Variants in MYO16 observed in about 807,000 individuals in gnomAD.
MYO16 encodes the protein unconventional myosin-XVI.
MYO16 carries 94 observed loss-of-function variants against 205.3 expected under a neutral mutation model. The ratio of observed to expected loss-of-function variants is 0.46; its 90% confidence interval spans 0.39 to 0.54. MYO16 has a LOEUF of 0.54. Ranked by LOEUF, MYO16 falls within the 20% of genes least tolerant of loss-of-function variation. The pLI, the probability that MYO16 is intolerant of heterozygous loss-of-function variation, is 0.00. For missense variants in MYO16, 2,315 were observed against 2,387.5 expected (o/e 0.97, Z 0.63); for synonymous variants, 988 against 954.0 (o/e 1.04, Z -0.66).
intron 4 of MYO16, among the ~76,000 whole-genome samples, chr13:108,760,658 C>A (rs986703838): frequency 3.9e-5 from 6 of 152,124 alleles, no homozygotes; most frequent in African/African-American, 1.2e-4. Flanking sequence ...ACTTTCAATG[C>A]CATATGTTCT....
At chr13:109,161,738 TA>T (rs892744954) in intron 32 of MYO16, among the ~76,000 whole-genome samples, 1 of 152,174 alleles carries the variant, frequency 6.6e-6, no homozygotes, top group African/African-American at 2.4e-5. Flanking sequence ...AATTAAGATT[TA>T]AAAAACTAAA....
intron 3 of MYO16, among the ~76,000 whole-genome samples, chr13:108,714,312 C>T (rs1214651205): frequency 3.9e-5 from 6 of 152,210 alleles, no homozygotes. Flanking sequence ...GCCTTGGCCT[C>T]CCGAAGTGCT....
At chr13:108,531,930 G>A in the MYO16 span, among the ~76,000 whole-genome samples, 2 of 152,134 alleles carry the variant, frequency 1.3e-5, no homozygotes, top group African/African-American at 2.4e-5. Context: ...CAGAAGGCCC[G>A]GCCTGGTGGC....
chr13:108,602,586 A>T (rs1238422523), intron 1 of MYO16, among the ~76,000 whole-genome samples: 4 of 152,160 alleles, frequency 2.6e-5, no homozygotes, highest in Non-Finnish European at 4.4e-5. Flanking sequence ...GAAAAAAATC[A>T]CATGGTATGT....
At chr13:109,121,975 G>A (rs917304445) in intron 29 of MYO16, among the ~76,000 whole-genome samples, 2 of 152,176 alleles carry the variant, frequency 1.3e-5, no homozygotes, top group Non-Finnish European at 2.9e-5. Context: ...GGGAGAGGGC[G>A]GGCTACAGGG....
At chr13:108,972,241 CTCTCTCTCTATATA>C (rs1228366641) in intron 20 of MYO16, among the ~76,000 whole-genome samples, 7 of 13,984 alleles carry the variant, frequency 5.0e-4, no homozygotes, top group Non-Finnish European at 1.1e-3. Context: ...CTCTCTCTCT[CTCTCTCTCTATATA>C]TATATATATA....
In MYO16 at chr13:109,091,319, A is replaced by T. The variant is rs573554143; in HGVS notation, c.3336-9466A>T. On this transcript the variant is annotated intron_variant, in intron 27 of 34. Transcript: ENST00000457511. Reference sequence around the variant, plus strand: ...AAAATGGAAATATACAAAAATAAATATGAATAGAATGTAGACATTGTGTGT... The same window carrying T: ...AAAATGGAAATATACAAAAATAAATTTGAATAGAATGTAGACATTGTGTGT... 2.0e-5 allele frequency among the ~76,000 whole-genome samples: 3 copies of T among 152,322 alleles called. No individual in the cohort carries two copies. The South Asian group carries it at 6.2e-4, about 32-fold the overall frequency.
In MYO16 at chr13:109,005,348, G is replaced by GAGAGACA. The variant is rs548738305; in HGVS notation, c.2443-3545_2443-3539dup. Among the ~76,000 whole-genome samples the GAGAGACA allele has an allele frequency of 1.7e-3, 252 of 152,278 alleles. 9 individuals are homozygous for GAGAGACA. The South Asian group carries it at 0.05, about 30-fold the overall frequency. On this transcript the variant is annotated intron_variant, in intron 21 of 34. Transcript: ENST00000457511. Reference sequence around the variant, plus strand: ...GAAACCATCTTTTACCATGAAGGCAGAGAGACAAGAAAACCCATTGGGAAG... The same window carrying GAGAGACA: ...GAAACCATCTTTTACCATGAAGGCAGAGAGACAAGAGACAAGAAAACCCATTGGGAAG...
chr13:109,144,587 A>C (rs1175475113), intron 32 of MYO16, among the ~76,000 whole-genome samples: 1 of 152,152 alleles, frequency 6.6e-6, no homozygotes. Flanking sequence ...TAAATCTTTT[A>C]CTTTACCTTC....
At chr13:108,926,293 T>C (rs932109728) in intron 16 of MYO16, among the ~76,000 whole-genome samples, 2 of 152,160 alleles carry the variant, frequency 1.3e-5, no homozygotes, top group African/African-American at 2.4e-5. Flanking sequence ...TCTTTCTATC[T>C]CCGATTCAAA....
At chr13:109,004,924 C>T (rs368590840) in intron 21 of MYO16, among the ~76,000 whole-genome samples, 1 of 152,112 alleles carries the variant, frequency 6.6e-6, no homozygotes, top group Non-Finnish European at 1.5e-5. Flanking sequence ...TGTTCTCATC[C>T]GAAGCAACTG....
chr13:109,099,244 A>C (rs1888876464), intron 27 of MYO16, among the ~76,000 whole-genome samples: 1 of 152,208 alleles, frequency 6.6e-6, no homozygotes, highest in Admixed American at 6.5e-5. Context: ...CCAAATAAGA[A>C]AATCGCTCAA....
At chr13:108,943,114 G>A (rs150396909) in intron 16 of MYO16, among the ~76,000 whole-genome samples, 51 of 152,322 alleles carry the variant, frequency 3.3e-4, no homozygotes, top group African/African-American at 1.2e-3. Flanking sequence ...CGAAAGAAAT[G>A]AGTATTCTGG....
intron 34 of MYO16, among the ~76,000 whole-genome samples, chr13:109,188,971 G>A (rs887441956): frequency 3.3e-5 from 5 of 152,036 alleles, no homozygotes; most frequent in Non-Finnish European, 1.5e-5. Flanking sequence ...GTGCATGCCT[G>A]TAACCCCAGC....
chr13:109,130,477 T>C (rs2139782812), intron 31 of MYO16, among the ~76,000 whole-genome samples: 1 of 152,394 alleles, frequency 6.6e-6, no homozygotes, highest in Non-Finnish European at 1.5e-5. Context: ...TTCTGGCATG[T>C]GCTCTCAATA....
intron 1 of MYO16, among the ~76,000 whole-genome samples, chr13:108,601,057 G>T (rs917383850): frequency 9.2e-5 from 14 of 152,006 alleles, no homozygotes; most frequent in African/African-American, 3.1e-4. Context: ...AGCAGGTAGG[G>T]TGTTTTGACC....
At chr13:108,925,119 A>T (rs1197044583) in intron 16 of MYO16, among the ~76,000 whole-genome samples, 1 of 151,974 alleles carries the variant, frequency 6.6e-6, no homozygotes, top group Admixed American at 6.6e-5. Flanking sequence ...GAGCCAAGGG[A>T]AGTTGAAGGT....
At chr13:108,763,329 G>A (rs911975) in intron 4 of MYO16, among the ~76,000 whole-genome samples, 79,869 of 151,992 alleles carry the variant, frequency 0.53, 21,578 homozygotes, top group East Asian at 0.63. Context: ...TTCTGTGATG[G>A]AGTAAGTAAA....
intron 34 of MYO16, among the ~76,000 whole-genome samples, chr13:109,194,036 G>C (rs7325052): frequency 0.64 from 97,555 of 152,026 alleles, 33,264 homozygotes; most frequent in African/African-American, 0.86. Flanking sequence ...CAGCAGTAAT[G>C]ACATGCATAA....
Sources: gnomAD v4.1 joint callset for allele counts (sites outside exome capture counted in the v4.1 genomes callset) on GRCh38, gnomAD v4.1.1 for gene constraint, MANE v1.5 for transcripts, NCBI Gene and HGNC (gene_info 2026-07-23, HGNC 2026-07-21) for gene names.